CDK7: variants seen among roughly 807,000 people sequenced by gnomAD.
CDK7 encodes the protein cyclin-dependent kinase 7.
A neutral mutation model predicts 49.1 loss-of-function variants in CDK7; 25 were observed. The ratio of observed to expected loss-of-function variants is 0.51; its 90% CI spans 0.37 to 0.71. CDK7 has a LOEUF of 0.71. Ranked by LOEUF, CDK7 falls within the 30% of genes least tolerant of loss-of-function variation. CDK7 has a pLI of 0.00. For missense variants in CDK7, 316 were observed against 411.7 expected, an observed-to-expected ratio of 0.77 and a Z score of 2.01; for synonymous variants, 107 against 140.0, an observed-to-expected ratio of 0.76 and a Z score of 1.67.
intron 2 of CDK7, among the ~76,000 whole-genome samples, chr5:69,236,221 CAG>C (rs1360373190): frequency 1.4e-5 from 2 of 144,890 alleles, no homozygotes; most frequent in Non-Finnish European, 3.0e-5. Flanking sequence ...AGCCTGGTGA[CAG>C]AGGGAGACTC....
Position 69,234,942 on chromosome 5 carries a change from C to A in CDK7, c.-34C>A. On this transcript the variant is annotated 5_prime_UTR_variant, in exon 1 of 12. Coordinates refer to ENST00000256443, the MANE Select transcript of CDK7 (RefSeq NM_001799.4). ...AATTCGTGTTGTCCTGGGAGCTCGC[C>A]CTTTTCGGCTGGAGTCGGGCTTTAC... 1 of 1,571,396 alleles carries A rather than the reference C, an allele frequency of 6.4e-7. No homozygotes were observed.
chr5:69,250,670 C>G, intron 2 of CDK7: 1 of 455,910 alleles, frequency 2.2e-6, no homozygotes, highest in Non-Finnish European at 4.4e-6. Context: ...GGTGCTCTTC[C>G]CCAGGGCAAC....
intron 10 of CDK7, among the ~76,000 whole-genome samples, chr5:69,275,282 A>G (rs868550656): frequency 2.0e-5 from 3 of 152,204 alleles, no homozygotes; most frequent in South Asian, 4.1e-4. Flanking sequence ...TCCATTTGCA[A>G]TGGATTGTTG....
At chr5:69,265,439 C>T (rs1011397369) in intron 8 of CDK7, among the ~76,000 whole-genome samples, 3 of 151,740 alleles carry the variant, frequency 2.0e-5, no homozygotes, top group Admixed American at 6.6e-5. Flanking sequence ...AGAAAAGCAG[C>T]ATACATAGAA....
At chr5:69,269,973 T>G (rs1470580934) in intron 9 of CDK7, among the ~76,000 whole-genome samples, 1 of 150,294 alleles carries the variant, frequency 6.7e-6, no homozygotes, top group Non-Finnish European at 1.5e-5. Context: ...GGCTCACGCC[T>G]GTAATCCCAG....
chr5:69,269,718 A>G (rs1413627552), intron 9 of CDK7, among the ~76,000 whole-genome samples: 1 of 151,834 alleles, frequency 6.6e-6, no homozygotes, highest in East Asian at 2.0e-4. Flanking sequence ...ACATATATGT[A>G]TATATGATGT....
At chr5:69,258,980 G>A (rs905649125) in intron 6 of CDK7, among the ~76,000 whole-genome samples, 13 of 152,000 alleles carry the variant, frequency 8.6e-5, no homozygotes, top group South Asian at 2.1e-4. Flanking sequence ...GGAGGCTGAG[G>A]TTGGGGGATC....
intron 8 of CDK7, among the ~76,000 whole-genome samples, chr5:69,263,434 C>T (rs761454222): frequency 2.6e-5 from 4 of 152,158 alleles, no homozygotes; most frequent in Non-Finnish European, 4.4e-5. Context: ...TGGTGGCTCA[C>T]GCCTATAGTC....
chr5:69,262,692 A>G (rs934643107), intron 8 of CDK7, among the ~76,000 whole-genome samples: 1 of 151,984 alleles, frequency 6.6e-6, no homozygotes, highest in African/African-American at 2.4e-5. Flanking sequence ...AAGAAAAAGA[A>G]AAAGAAAAGA....
chr5:69,247,141 A>G (rs369623188), intron 2 of CDK7, among the ~76,000 whole-genome samples: 2 of 152,140 alleles, frequency 1.3e-5, no homozygotes, highest in African/African-American at 2.4e-5. Flanking sequence ...ATTAAGTCCA[A>G]TGTGTCTTTG....
chr5:69,259,589 A>G (rs1750690831), intron 6 of CDK7, among the ~76,000 whole-genome samples: 1 of 152,186 alleles, frequency 6.6e-6, no homozygotes, highest in Non-Finnish European at 1.5e-5. Flanking sequence ...AACTCTATGA[A>G]GTATGTAAAT....
At chr5:69,269,418 C>A in intron 9 of CDK7, 125 bp downstream of exon 9, 1 of 588,136 alleles carries the variant, frequency 1.7e-6, no homozygotes, top group Non-Finnish European at 2.9e-6. Context: ...GTACTCAGAA[C>A]ACTTTAAATG....
chr5:69,259,459 A>G lies in CDK7; in HGVS notation c.409-359A>G, dbSNP rs1243614952. ...AATGTCATCCTCATTCTTATACATT[A>G]ACAACGTATATTATGAAAGTTCATA... is the stretch of plus-strand genomic sequence containing the variant. On this transcript the variant is annotated intron_variant, in intron 6 of 11. Transcript: ENST00000256443. 2.0e-5 allele frequency among the ~76,000 whole-genome samples: 3 copies of G among 152,180 alleles called. No homozygotes were observed. The East Asian group carries it at 5.8e-4, about 29-fold the overall frequency.
At position 69,258,049 on chromosome 5, in the gene CDK7, A is replaced by G; in HGVS notation, c.304A>G (p.Ile102Val). Residue 102 changes from isoleucine to valine, a missense_variant, in exon 6 of 12, where the codon ATA becomes GTA. Physicochemically the swap from Ile to Val is conservative, Grantham distance 29. Transcript: ENST00000256443. ...TTGTATACTTGCTTTACAGGTTATA[A>G]TAAAGGATAATAGTCTTGTGCTGAC... ...DFMETDLEVI[I>V]KDNSLVLTPS... 2.0e-6 allele frequency: 3 copies of G among 1,520,060 alleles called. No homozygotes were observed. The highest frequency in any genetic ancestry group is 1.8e-6 in the Non-Finnish European group (2 of 1,102,758). The allele number at this position is 1,520,060 out of a possible 1,614,324, so 94.2% of individuals were successfully genotyped here. A position where few individuals can be genotyped will look rare whatever the true frequency, so the allele number is the denominator to read the frequency against.
chr5:69,255,806 A>G, intron 5 of CDK7: 1 of 413,076 alleles, frequency 2.4e-6, no homozygotes, highest in East Asian at 4.8e-5. Flanking sequence ...AATGAGCATT[A>G]GACCTATAAG....
Position 69,237,771 on chromosome 5 carries a change from C to T in CDK7, c.126+2318C>T, listed in dbSNP as rs186940996. Among the ~76,000 whole-genome samples the T allele has an allele frequency of 5.9e-4, 90 of 152,092 alleles. No homozygotes were observed. In the East Asian group the frequency reaches 0.013, roughly 21 times the overall value. On this transcript the variant is annotated intron_variant, in intron 2 of 11. Coordinates refer to ENST00000256443, the MANE Select transcript of CDK7 (RefSeq NM_001799.4). ...TTCAAGACCAGCCTGGTCAACATGG[C>T]GAAACCCCTGTCTCTACTAAAATAC...
chr5:69,259,667 G>T, intron 6 of CDK7, 151 bp from the exon 7 acceptor site: 1 of 622,294 alleles, frequency 1.6e-6, no homozygotes. Context: ...TTGCTTTGAT[G>T]GGATTTTATA....
intron 8 of CDK7, among the ~76,000 whole-genome samples, chr5:69,262,516 A>G (rs1412508863): frequency 6.6e-6 from 1 of 152,046 alleles, no homozygotes; most frequent in Non-Finnish European, 1.5e-5. Flanking sequence ...TAAAAATAGA[A>G]AAATTAGCTG....
chr5:69,238,349 A>G (rs1044631605), intron 2 of CDK7, among the ~76,000 whole-genome samples: 2 of 149,916 alleles, frequency 1.3e-5, no homozygotes, highest in East Asian at 2.0e-4. Context: ...TAGTGGTACA[A>G]TCATAGCTCA....
Sources: gnomAD v4.1 joint callset for allele counts (sites outside exome capture counted in the v4.1 genomes callset) on GRCh38, gnomAD v4.1.1 for gene constraint, MANE v1.5 for transcripts, NCBI Gene and HGNC (gene_info 2026-07-23, HGNC 2026-07-21) for gene names.